PPP3R1: variants seen among roughly 807,000 people sequenced by gnomAD.
PPP3R1 encodes calcineurin subunit B type 1.
A neutral mutation model predicts 22.6 loss-of-function variants in PPP3R1; 5 were observed. The ratio of observed to expected loss-of-function variants is 0.22; its 90% confidence interval spans 0.12 to 0.46. The LOEUF is 0.46. PPP3R1 is among the 20% of genes least tolerant of loss of function. The pLI, the probability that PPP3R1 is intolerant of heterozygous loss-of-function variation, is 0.99. For synonymous variants in PPP3R1, 56 were observed against 65.2 expected, an observed-to-expected ratio of 0.86 and a Z score of 0.68; for missense variants, 61 against 203.2, an observed-to-expected ratio of 0.30 and a Z score of 4.25.
chr2:68,237,569 C>T (rs79594168), intron 1 of PPP3R1, among the ~76,000 whole-genome samples: 60 of 151,924 alleles, frequency 3.9e-4, no homozygotes, highest in Non-Finnish European at 6.9e-4. Context: ...AGTAATGTGA[C>T]GAGAATGAAT....
In PPP3R1 at chr2:68,226,168, G is replaced by A. The variant is rs536727254; in HGVS notation, c.4-9037C>T. Among the ~76,000 whole-genome samples, 8 of 152,252 alleles carry A rather than the reference G, an allele frequency of 5.3e-5. No individual in the cohort carries two copies. In the South Asian group the frequency reaches 1.2e-3, roughly 24 times the overall value. On this transcript the variant is annotated intron_variant, in intron 1 of 5. Transcript: ENST00000234310. The stretch of plus-strand genomic sequence containing the variant: ...AAAGTTAAGGTGTTGTGGGGTAGAG[G>A]GGGAGAACAGGGAGTGAACACAAAA...
rs536401518 is a variant in PPP3R1 at position 68,232,853 on chromosome 2, C to T, written c.4-15722G>A. ...AACACTTGATCTCAGGTGATCCACC[C>T]ACCTCAGCCTCCCAAAATGCTGGGA... On this transcript the variant is annotated intron_variant, in intron 1 of 5. Transcript: ENST00000234310. Among the ~76,000 whole-genome samples, 57 of 152,234 alleles carry T rather than the reference C, an allele frequency of 3.7e-4. No homozygotes were observed. The South Asian group carries it at 5.8e-3, about 15-fold the overall frequency.
chr2:68,181,634 G>A (rs1045214014), intron 5 of PPP3R1, among the ~76,000 whole-genome samples: 1 of 142,232 alleles, frequency 7.0e-6, no homozygotes, highest in Admixed American at 7.2e-5. Context: ...AGGTAAAAAC[G>A]ATTCTTAGTT....
At chr2:68,248,482 C>T (rs1670279103) in intron 1 of PPP3R1, among the ~76,000 whole-genome samples, 1 of 152,176 alleles carries the variant, frequency 6.6e-6, no homozygotes, top group African/African-American at 2.4e-5. Context: ...ACATTCCTTC[C>T]TATTCTCTAA....
chr2:68,211,800 T>G (rs924166788), intron 2 of PPP3R1, among the ~76,000 whole-genome samples: 8 of 152,204 alleles, frequency 5.3e-5, no homozygotes, highest in African/African-American at 1.9e-4. Flanking sequence ...AGAAACCACT[T>G]TCTTTACTCA....
intron 2 of PPP3R1, among the ~76,000 whole-genome samples, chr2:68,208,964 G>C (rs943995698): frequency 6.6e-6 from 1 of 150,752 alleles, no homozygotes; most frequent in African/African-American, 2.4e-5. Context: ...ATTAAAAAAA[G>C]TCTGGGAGGA....
rs369581612 is a variant in PPP3R1 at position 68,182,074 on chromosome 2, C to A, written c.466-1064G>T. On this transcript the variant is annotated intron_variant, in intron 5 of 5. Coordinates refer to ENST00000234310, the MANE Select transcript of PPP3R1 (RefSeq NM_000945.4). Reference sequence around the variant, plus strand: ...ACCAGACATCTCCCCTCCTCCAACCCCCCCCTCCCCCCACCACACACACAC... The same window carrying A: ...ACCAGACATCTCCCCTCCTCCAACCACCCCCTCCCCCCACCACACACACAC... 5.7e-4 allele frequency among the ~76,000 whole-genome samples: 31 copies of A among 54,110 alleles called. 1 individual carries two copies. Among genetic ancestry groups the A allele is most frequent in the Admixed American group, 2.6e-3 (15 of 5,690 alleles). 35.5% of individuals were successfully genotyped at this position (54,110 alleles called of 152,430 possible). A position where few individuals can be genotyped will look rare whatever the true frequency, so the allele number is the denominator to read the frequency against.
At chr2:68,196,110 TG>T (rs1674766068) in intron 2 of PPP3R1, among the ~76,000 whole-genome samples, 1 of 152,176 alleles carries the variant, frequency 6.6e-6, no homozygotes, top group African/African-American at 2.4e-5. Context: ...CCATCAGACA[TG>T]GCAAAATTAT....
intron 2 of PPP3R1, among the ~76,000 whole-genome samples, chr2:68,209,859 A>G (rs1018101858): frequency 1.3e-5 from 2 of 152,186 alleles, no homozygotes; most frequent in African/African-American, 4.8e-5. Context: ...AATACCTGAG[A>G]GTTGAAGGAG....
chr2:68,183,519 ATT>A (rs1174165893), intron 5 of PPP3R1, among the ~76,000 whole-genome samples: 1 of 152,098 alleles, frequency 6.6e-6, no homozygotes, highest in Non-Finnish European at 1.5e-5. Context: ...TTCTTGATTC[ATT>A]TTTGATTATT....
At chr2:68,224,094 A>C (rs1230777818) in intron 1 of PPP3R1, among the ~76,000 whole-genome samples, 2 of 152,226 alleles carry the variant, frequency 1.3e-5, no homozygotes, top group African/African-American at 2.4e-5. Context: ...TGCAGGGAGT[A>C]CACATGAAGA....
intron 5 of PPP3R1, among the ~76,000 whole-genome samples, chr2:68,181,351 C>T (rs1366027643): frequency 6.6e-6 from 1 of 150,828 alleles, no homozygotes; most frequent in African/African-American, 2.4e-5. Flanking sequence ...CTATATCGCG[C>T]CACTGCACTC....
intron 1 of PPP3R1, among the ~76,000 whole-genome samples, 193 bp downstream of exon 1, chr2:68,251,932 C>A (rs1166790912): frequency 2.7e-5 from 4 of 146,422 alleles, no homozygotes; most frequent in Admixed American, 2.7e-4. Context: ...GGGGGCCCCG[C>A]CGCCGTCCTG....
chr2:68,188,881 T>C (rs1027101122), intron 2 of PPP3R1, among the ~76,000 whole-genome samples, 191 bp from the exon 3 acceptor site: 8 of 152,226 alleles, frequency 5.3e-5, no homozygotes, highest in African/African-American at 1.7e-4. Flanking sequence ...TTTATTCTAA[T>C]AGAGTAAGTA....
At chr2:68,229,954 G>A (rs1415027339) in intron 1 of PPP3R1, among the ~76,000 whole-genome samples, 1 of 126,038 alleles carries the variant, frequency 7.9e-6, no homozygotes, top group African/African-American at 2.9e-5. Context: ...ATATATGTGT[G>A]TGTGTATATA....
chr2:68,197,784 G>A (rs1349208917), intron 2 of PPP3R1, among the ~76,000 whole-genome samples: 3 of 151,718 alleles, frequency 2.0e-5, no homozygotes, highest in Non-Finnish European at 4.4e-5. Flanking sequence ...CCTTTTCATA[G>A]GTGTATTTTT....
At chr2:68,187,509 T>TG (rs1361225861) in intron 3 of PPP3R1, among the ~76,000 whole-genome samples, 195 bp from the exon 4 acceptor site, 4 of 152,214 alleles carry the variant, frequency 2.6e-5, no homozygotes, top group East Asian at 1.9e-4. Context: ...TATTTGAACT[T>TG]GGAGTTCTCT....
At chr2:68,219,690 TA>T (rs912686729) in intron 1 of PPP3R1, among the ~76,000 whole-genome samples, 9 of 152,324 alleles carry the variant, frequency 5.9e-5, no homozygotes, top group Middle Eastern at 3.4e-3. Context: ...TGGGAAATAC[TA>T]AAATAATGAT....
At chr2:68,194,970 C>T (rs982626208) in intron 2 of PPP3R1, among the ~76,000 whole-genome samples, 4 of 151,998 alleles carry the variant, frequency 2.6e-5, no homozygotes, top group Non-Finnish European at 4.4e-5. Flanking sequence ...AAAGAAACAA[C>T]TATATGTAAT....
Sources: allele counts gnomAD v4.1 joint callset (sites outside exome capture counted in the v4.1 genomes callset), GRCh38; gene constraint gnomAD v4.1.1; transcripts MANE v1.5; gene names NCBI Gene and HGNC (gene_info 2026-07-23, HGNC 2026-07-21).